Variants in RAD51B observed in about 807,000 individuals in gnomAD.
The protein encoded by RAD51B is DNA repair protein RAD51 homolog 2.
Under a neutral mutation model 42.2 loss-of-function variants are expected in RAD51B, and 38 were observed. The observed-to-expected ratio is 0.90, with a 90% confidence interval of 0.70 to 1.18. The LOEUF (loss-of-function observed/expected upper bound fraction) is 1.18, where lower values mean the gene tolerates loss of function less well. Among genes scored for constraint, RAD51B ranks in the 50% most tolerant of loss-of-function variants. The pLI is 0.00. For missense variants in RAD51B, 373 were observed against 400.7 expected, an observed-to-expected ratio of 0.93 and a Z score of 0.59; for synonymous variants, 154 against 145.2, an observed-to-expected ratio of 1.06 and a Z score of -0.43.
intron 4 of RAD51B, among the ~76,000 whole-genome samples, chr14:67,846,495 G>A (rs1031091770): frequency 6.6e-6 from 1 of 152,146 alleles, no homozygotes; most frequent in Non-Finnish European, 1.5e-5. Flanking sequence ...TGGGGGCGTG[G>A]CCGAGTGCAT....
At chr14:68,047,781 G>C (rs1011557624) in intron 7 of RAD51B, among the ~76,000 whole-genome samples, 22 of 152,158 alleles carry the variant, frequency 1.4e-4, no homozygotes, top group Admixed American at 3.3e-4. Context: ...GCTTTAAGTA[G>C]GCTTCACTGT....
At chr14:68,484,228 C>T (rs1883427036) in intron 10 of RAD51B, among the ~76,000 whole-genome samples, 1 of 152,090 alleles carries the variant, frequency 6.6e-6, no homozygotes, top group Admixed American at 6.6e-5. Flanking sequence ...GGTGGTAGGC[C>T]ATGTTTGCTG....
At chr14:68,273,912 A>G (rs2081171151) in intron 7 of RAD51B, among the ~76,000 whole-genome samples, 1 of 152,028 alleles carries the variant, frequency 6.6e-6, no homozygotes, top group Admixed American at 6.6e-5. Context: ...TCTACATATT[A>G]TTTTTTATTT....
At chr14:67,871,314 T>C (rs147650818) in intron 5 of RAD51B, among the ~76,000 whole-genome samples, 66,853 of 150,766 alleles carry the variant, frequency 0.44, 16,463 homozygotes, top group African/African-American at 0.65. Context: ...AACACCTCTA[T>C]GCAAATAAAC....
At chr14:68,554,111 G>T (rs1888712297) in intron 10 of RAD51B, among the ~76,000 whole-genome samples, 2 of 152,180 alleles carry the variant, frequency 1.3e-5, no homozygotes, top group South Asian at 4.1e-4. Context: ...CTTAGAAAGG[G>T]TGATGATATG....
At chr14:68,135,518 T>C (rs1394145760) in intron 7 of RAD51B, among the ~76,000 whole-genome samples, 1 of 152,188 alleles carries the variant, frequency 6.6e-6, no homozygotes, top group Non-Finnish European at 1.5e-5. Context: ...AGTATACACA[T>C]AGACATAGGT....
At chr14:68,031,129 A>G (rs146862813) in intron 7 of RAD51B, among the ~76,000 whole-genome samples, 114 of 152,354 alleles carry the variant, frequency 7.5e-4, no homozygotes, top group African/African-American at 2.2e-3. Flanking sequence ...AAAGAGGTTT[A>G]TTGGACTTAC....
chr14:68,086,563 A>G (rs1397953632), intron 7 of RAD51B, among the ~76,000 whole-genome samples: 1 of 152,004 alleles, frequency 6.6e-6, no homozygotes, highest in African/African-American at 2.4e-5. Flanking sequence ...CCCTTTCTGT[A>G]TGGGATGCAG....
At chr14:68,124,101 A>T (rs968804629) in intron 7 of RAD51B, among the ~76,000 whole-genome samples, 4 of 152,116 alleles carry the variant, frequency 2.6e-5, no homozygotes, top group African/African-American at 9.7e-5. Flanking sequence ...CCATTTTTTA[A>T]AAAAAATTAA....
chr14:67,935,373 GT>G (rs200867366), intron 7 of RAD51B, among the ~76,000 whole-genome samples: 1 of 151,354 alleles, frequency 6.6e-6, no homozygotes, highest in Non-Finnish European at 1.5e-5. Flanking sequence ...TCTTAAAAAA[GT>G]TTTTTTTTCA....
intron 4 of RAD51B, among the ~76,000 whole-genome samples, chr14:67,850,531 G>T (rs576421619): frequency 7.2e-5 from 11 of 152,290 alleles, no homozygotes; most frequent in Middle Eastern, 3.4e-3. Context: ...ACGGGTGAGA[G>T]TCAGCTGTGG....
intron 7 of RAD51B, among the ~76,000 whole-genome samples, chr14:68,227,540 G>T (rs1410718007): frequency 6.6e-6 from 1 of 152,176 alleles, no homozygotes; most frequent in East Asian, 1.9e-4. Context: ...AGTAATAAGT[G>T]TTAGCACTCA....
intron 7 of RAD51B, among the ~76,000 whole-genome samples, chr14:68,037,316 G>A (rs959265059): frequency 6.7e-6 from 1 of 150,030 alleles, no homozygotes; most frequent in East Asian, 2.0e-4. Flanking sequence ...CGCCTCCTGG[G>A]TTCAAGCAAT....
chr14:67,967,963 G>T (rs948426409), intron 7 of RAD51B, among the ~76,000 whole-genome samples: 1 of 152,212 alleles, frequency 6.6e-6, no homozygotes, highest in African/African-American at 2.4e-5. Flanking sequence ...GCAAACTTTT[G>T]CCTGGGCATC....
intron 7 of RAD51B, among the ~76,000 whole-genome samples, chr14:67,989,120 C>T (rs1290961348): frequency 6.6e-6 from 1 of 152,152 alleles, no homozygotes; most frequent in Non-Finnish European, 1.5e-5. Flanking sequence ...CTACTGGCTG[C>T]TTTACTACAG....
chr14:68,032,615 G>T (rs1356046641), intron 7 of RAD51B, among the ~76,000 whole-genome samples: 2 of 151,816 alleles, frequency 1.3e-5, no homozygotes, highest in Admixed American at 6.6e-5. Flanking sequence ...CTCTTCTTTG[G>T]GTGCTACCAT....
chr14:67,994,873 C>T (rs554149524), intron 7 of RAD51B, among the ~76,000 whole-genome samples: 1 of 152,264 alleles, frequency 6.6e-6, no homozygotes, highest in African/African-American at 2.4e-5. Flanking sequence ...ACCCAAATGT[C>T]ATCAGTAGAT....
intron 7 of RAD51B, among the ~76,000 whole-genome samples, chr14:67,894,873 C>G (rs1254553062): frequency 1.3e-5 from 2 of 152,142 alleles, no homozygotes; most frequent in East Asian, 3.8e-4. Flanking sequence ...ATGCCGAGTT[C>G]TAGTGATCCT....
At chr14:68,593,536 A>G (rs1890850905) in intron 10 of RAD51B, among the ~76,000 whole-genome samples, 1 of 152,326 alleles carries the variant, frequency 6.6e-6, no homozygotes, top group South Asian at 2.1e-4. Flanking sequence ...GATGAAATCC[A>G]ATGGGACAAG....
Sources: gnomAD v4.1 joint callset for allele counts (sites outside exome capture counted in the v4.1 genomes callset) on GRCh38, gnomAD v4.1.1 for gene constraint, MANE v1.5 for transcripts, NCBI Gene and HGNC (gene_info 2026-07-23, HGNC 2026-07-21) for gene names.